The following VTI1A variants were observed in gnomAD, a reference collection of about 807,000 sequenced individuals.
VTI1A encodes the protein vesicle transport through interaction with t-SNAREs homolog 1A.
VTI1A carries 22 observed loss-of-function variants against 34.9 expected under a neutral mutation model. That is an observed-to-expected ratio of 0.63 (90% CI 0.45 to 0.90). The LOEUF (loss-of-function observed/expected upper bound fraction) is 0.90. Among genes scored for constraint, VTI1A ranks in the 40% least tolerant of loss-of-function variants. The pLI is 0.00. For synonymous variants in VTI1A, 87 were observed against 97.3 expected, an observed-to-expected ratio of 0.89 and a Z score of 0.62; for missense variants, 268 against 275.6, an observed-to-expected ratio of 0.97 and a Z score of 0.20.
In VTI1A at chr10:112,775,150, C is replaced by T. The variant is rs117709416; in HGVS notation, c.561-40140C>T. Among the ~76,000 whole-genome samples the T allele has an allele frequency of 9.9e-5, 15 of 152,280 alleles. No homozygotes were observed. In the East Asian group the frequency reaches 1.7e-3, roughly 18 times the overall value. On this transcript the variant is annotated intron_variant, in intron 7 of 7. Coordinates refer to ENST00000393077, the MANE Select transcript of VTI1A (RefSeq NM_145206.4). ...CCACTGCCGAATTTAAAAACTGAAA[C>T]GGCTTAGCATTTAGAAAGACCTTTT...
At chr10:112,675,961 T>C (rs1848011464) in intron 7 of VTI1A, among the ~76,000 whole-genome samples, 1 of 152,132 alleles carries the variant, frequency 6.6e-6, no homozygotes, top group South Asian at 2.1e-4. Context: ...TTTATAAATG[T>C]GTAGATACAT....
chr10:112,825,802 A>G, the VTI1A span: 2 of 152,240 alleles, frequency 1.3e-5, no homozygotes, highest in Non-Finnish European at 2.9e-5. Flanking sequence ...TCTTCCGGCC[A>G]GGTCAAGGTA....
chr10:112,448,731 A>G (rs977157003), intron 1 of VTI1A, among the ~76,000 whole-genome samples: 1 of 152,208 alleles, frequency 6.6e-6, no homozygotes, highest in Non-Finnish European at 1.5e-5. Flanking sequence ...TCACTTGCCC[A>G]CTTGTCCTGG....
At chr10:112,797,812 T>G (rs148997741) in intron 7 of VTI1A, among the ~76,000 whole-genome samples, 1 of 152,362 alleles carries the variant, frequency 6.6e-6, no homozygotes, top group East Asian at 1.9e-4. Flanking sequence ...ATTGAATATT[T>G]ACAAAAGAAG....
At chr10:112,734,557 C>CT (rs1850387022) in intron 7 of VTI1A, among the ~76,000 whole-genome samples, 1 of 151,968 alleles carries the variant, frequency 6.6e-6, no homozygotes, top group African/African-American at 2.4e-5. Flanking sequence ...AATTTCTGTC[C>CT]TTTTCCAATT....
At chr10:112,678,677 T>G (rs1357407769) in intron 7 of VTI1A, among the ~76,000 whole-genome samples, 1 of 152,236 alleles carries the variant, frequency 6.6e-6, no homozygotes, top group Non-Finnish European at 1.5e-5. Context: ...CACACATCAA[T>G]TTTAAAAGGC....
At chr10:112,754,928 A>C (rs182321752) in intron 7 of VTI1A, among the ~76,000 whole-genome samples, 60 of 152,270 alleles carry the variant, frequency 3.9e-4, no homozygotes, top group African/African-American at 1.4e-3. Context: ...TGATTTGGGG[A>C]CTGGGGCTCA....
intron 5 of VTI1A, among the ~76,000 whole-genome samples, chr10:112,660,155 C>T (rs184236175): frequency 9.9e-5 from 15 of 152,210 alleles, no homozygotes; most frequent in East Asian, 3.9e-4. Context: ...GGTTGGAGTG[C>T]GGTGGCATGA....
chr10:112,713,044 A>G (rs963755333), intron 7 of VTI1A, among the ~76,000 whole-genome samples: 10 of 152,080 alleles, frequency 6.6e-5, no homozygotes, highest in Non-Finnish European at 1.2e-4. Flanking sequence ...TTCTAGCTTT[A>G]GGGATCCCCT....
At chr10:112,761,770 C>CTCTGTG (rs140047735) in intron 7 of VTI1A, among the ~76,000 whole-genome samples, 1 of 145,826 alleles carries the variant, frequency 6.9e-6, no homozygotes, top group African/African-American at 2.5e-5. Context: ...CTTTCTTTCT[C>CTCTGTG]TGTGTGTGTG....
At chr10:112,673,838 C>T (rs1295839630) in intron 7 of VTI1A, among the ~76,000 whole-genome samples, 1 of 152,144 alleles carries the variant, frequency 6.6e-6, no homozygotes, top group Non-Finnish European at 1.5e-5. Flanking sequence ...CCAGGAATGC[C>T]AATGCAAGAT....
intron 7 of VTI1A, among the ~76,000 whole-genome samples, chr10:112,713,987 T>C (rs926156279): frequency 8.5e-5 from 13 of 152,174 alleles, no homozygotes; most frequent in African/African-American, 3.1e-4. Context: ...ACCCAGCCTT[T>C]TCCTTCCACT....
chr10:112,595,420 A>G (rs550684552), intron 5 of VTI1A, among the ~76,000 whole-genome samples: 13,898 of 151,852 alleles, frequency 0.092, 756 homozygotes, highest in Middle Eastern at 0.16. Flanking sequence ...CATCTGACAA[A>G]GGGCTAATAT....
intron 7 of VTI1A, among the ~76,000 whole-genome samples, chr10:112,743,834 T>C (rs1850786177): frequency 6.6e-6 from 1 of 152,160 alleles, no homozygotes; most frequent in Admixed American, 6.5e-5. Flanking sequence ...ATAAAAAATA[T>C]AGGACATAAT....
At chr10:112,533,872 T>TTTG (rs1850533179) in intron 4 of VTI1A, among the ~76,000 whole-genome samples, 1 of 152,118 alleles carries the variant, frequency 6.6e-6, no homozygotes, top group Admixed American at 6.5e-5. Flanking sequence ...AGGCTGTAAC[T>TTTG]TCAAGTTTAT....
At chr10:112,739,681 C>T (rs1850622700) in intron 7 of VTI1A, among the ~76,000 whole-genome samples, 1 of 152,188 alleles carries the variant, frequency 6.6e-6, no homozygotes, top group South Asian at 2.1e-4. Context: ...GTGCGTGCTG[C>T]ATGCTACGGA....
intron 5 of VTI1A, among the ~76,000 whole-genome samples, chr10:112,648,154 T>A (rs538830072): frequency 6.6e-6 from 1 of 152,354 alleles, no homozygotes; most frequent in African/African-American, 2.4e-5. Context: ...GGTAGCTTTT[T>A]ATGAAAAAGC....
intron 1 of VTI1A, among the ~76,000 whole-genome samples, chr10:112,456,035 T>C (rs750971584): frequency 4.6e-5 from 7 of 152,130 alleles, no homozygotes; most frequent in Non-Finnish European, 1.0e-4. Flanking sequence ...TAGTGGCCCC[T>C]ACCATGTACA....
chr10:112,469,178 C>T (rs747226858), intron 3 of VTI1A, among the ~76,000 whole-genome samples: 1 of 152,116 alleles, frequency 6.6e-6, no homozygotes, highest in African/African-American at 2.4e-5. Context: ...TTATAGTATA[C>T]TTGCTGTTAT....
Sources: allele counts gnomAD v4.1 joint callset (sites outside exome capture counted in the v4.1 genomes callset), GRCh38; gene constraint gnomAD v4.1.1; transcripts MANE v1.5; gene names NCBI Gene and HGNC (gene_info 2026-07-23, HGNC 2026-07-21).